C1GALT1: variants seen among roughly 807,000 people sequenced by gnomAD.
The protein encoded by C1GALT1 is glycoprotein-N-acetylgalactosamine 3-beta-galactosyltransferase 1.
C1GALT1 carries 11 observed loss-of-function variants against 31.0 expected under a neutral mutation model. The ratio of observed to expected loss-of-function variants is 0.36; its 90% confidence interval spans 0.22 to 0.59. C1GALT1 has a LOEUF of 0.59. Ranked by LOEUF, C1GALT1 falls within the 20% of genes least tolerant of loss-of-function variation. The probability of loss-of-function intolerance (pLI) is 0.79; values close to 1 mark genes in which losing one functional copy is unlikely to be tolerated. For synonymous variants in C1GALT1, 175 were observed against 143.6 expected, an observed-to-expected ratio of 1.22 and a Z score of -1.56; for missense variants, 424 against 425.2, an observed-to-expected ratio of 1.00 and a Z score of 0.03.
intron 1 of C1GALT1, among the ~76,000 whole-genome samples, chr7:7,191,960 T>C (rs900211891): frequency 3.3e-5 from 5 of 152,060 alleles, no homozygotes; most frequent in African/African-American, 1.2e-4. Context: ...TGCACAAATT[T>C]AAAAATTTTT....
chr7:7,209,226 A>G (rs936492532), intron 1 of C1GALT1, among the ~76,000 whole-genome samples: 2 of 152,178 alleles, frequency 1.3e-5, no homozygotes, highest in African/African-American at 2.4e-5. Context: ...TTGAAACGTG[A>G]CCTTCCATTA....
chr7:7,172,959 C>T (rs531025590), intron 2 of C1GALT1, among the ~76,000 whole-genome samples: 1 of 152,208 alleles, frequency 6.6e-6, no homozygotes, highest in Admixed American at 6.5e-5. Flanking sequence ...TATGCTCCAC[C>T]TATTCATCAT....
intron 1 of C1GALT1, among the ~76,000 whole-genome samples, chr7:7,225,150 G>A (rs948910335): frequency 5.3e-5 from 8 of 152,044 alleles, no homozygotes; most frequent in African/African-American, 7.2e-5. Flanking sequence ...CTTGCTTTGG[G>A]TTTATTGTGC....
chr7:7,212,881 A>G (rs1350431086), intron 1 of C1GALT1, among the ~76,000 whole-genome samples: 2 of 152,212 alleles, frequency 1.3e-5, no homozygotes, highest in Admixed American at 1.3e-4. Flanking sequence ...GGGGAATGTC[A>G]CGATGGCTTG....
chr7:7,219,146 G>A (rs746789465), intron 1 of C1GALT1, among the ~76,000 whole-genome samples: 27 of 152,156 alleles, frequency 1.8e-4, no homozygotes, highest in Non-Finnish European at 3.2e-4. Flanking sequence ...CATGGAAATA[G>A]TTATTTTTCA....
At chr7:7,205,140 A>G (rs77277930) in intron 1 of C1GALT1, among the ~76,000 whole-genome samples, 5,924 of 151,072 alleles carry the variant, frequency 0.039, 263 homozygotes, top group African/African-American at 0.11. Flanking sequence ...TCATAGAACT[A>G]TTTCTCCTTT....
intron 1 of C1GALT1, among the ~76,000 whole-genome samples, chr7:7,194,598 A>G (rs560738344): frequency 3.9e-5 from 6 of 152,080 alleles, no homozygotes; most frequent in Admixed American, 1.3e-4. Flanking sequence ...GGATTTTTGC[A>G]TCTATGTTCA....
chr7:7,233,686 A>G (rs1325751682), intron 1 of C1GALT1, among the ~76,000 whole-genome samples: 1 of 152,234 alleles, frequency 6.6e-6, no homozygotes. Context: ...TATATAAATG[A>G]ATGGGCATGG....
At chr7:7,228,183 TTAA>T in intron 1 of C1GALT1, among the ~76,000 whole-genome samples, 1 of 142,318 alleles carries the variant, frequency 7.0e-6, no homozygotes. Context: ...TCACAAAATA[TTAA>T]TAATTGTTGT....
chr7:7,238,541 T>C lies in C1GALT1; in HGVS notation c.507T>C (p.Asp169=). ...ATGCTGATTGGTTTTTGAAAGCAGA[T>C]GATGACACGTATGTCATACTAGACA... The part of the protein sequence containing the change: ...LEDADWFLKA[D]DDTYVILDNL... Residue 169 remains aspartate (D), a synonymous_variant, in exon 3 of 4, where the codon GAT becomes GAC. Transcript: ENST00000436587. This position sits in a 1 kb window ranked among gnomAD's most constrained non-coding sequence, Gnocchi z 5.2. 2 of 1,614,132 alleles carry C rather than the reference T, an allele frequency of 1.2e-6. No individual in the cohort carries two copies. The highest frequency in any genetic ancestry group is 1.7e-6 in the Non-Finnish European group (2 of 1,179,970).
In C1GALT1 at chr7:7,238,141, A is replaced by C; in HGVS notation, c.221-114A>C. 1 of 1,026,740 alleles carries C rather than the reference A, an allele frequency of 9.7e-7. No homozygotes were observed. Among genetic ancestry groups the C allele is most frequent in the Non-Finnish European group, 1.4e-6 (1 of 717,864 alleles). The allele number at this position is 1,026,740 out of a possible 1,614,324, so 63.6% of individuals were successfully genotyped here. A position where few individuals can be genotyped will look rare whatever the true frequency, so the allele number is the denominator to read the frequency against. ...TTGCTTTCCTTTGGCTAAATCACTA[A>C]TAGAGGGATAAATAGGGACTTTGAA... On this transcript the variant is annotated intron_variant, in intron 2 of 3. Coordinates refer to ENST00000436587, the MANE Select transcript of C1GALT1 (RefSeq NM_020156.5). This position sits in a 1 kb window ranked among gnomAD's most constrained non-coding sequence, Gnocchi z 5.2.
At position 7,225,958 on chromosome 7, in the gene C1GALT1, T is replaced by G. The variant is rs375344677; in HGVS notation, c.-17-8345T>G. ...GGTGTGTGGAAAAACTAGTGAACTT[T>G]AAATGAAATGGGGGTGAAAATTCCA... On this transcript the variant is annotated intron_variant, in intron 1 of 3. Transcript: ENST00000436587. Among the ~76,000 whole-genome samples, 11 of 152,294 alleles carry G rather than the reference T, an allele frequency of 7.2e-5. No homozygotes were observed. The South Asian group carries it at 1.2e-3, about 17-fold the overall frequency.
intron 1 of C1GALT1, among the ~76,000 whole-genome samples, chr7:7,185,811 G>A (rs4720725): frequency 0.27 from 41,161 of 152,030 alleles, 6,040 homozygotes; most frequent in East Asian, 0.42. Flanking sequence ...AGTTTAACCT[G>A]TAACAGTTGC....
At chr7:7,210,699 A>C (rs187107787) in intron 1 of C1GALT1, 1 of 152,228 alleles carries the variant, frequency 6.6e-6, no homozygotes, top group East Asian at 1.9e-4. Context: ...GTCTTTTAAT[A>C]TGCAAATACA....
intron 2 of C1GALT1, among the ~76,000 whole-genome samples, chr7:7,172,647 G>A (rs1008397690): frequency 7.2e-5 from 11 of 152,028 alleles, no homozygotes; most frequent in African/African-American, 1.7e-4. Flanking sequence ...AAAATTAACA[G>A]ACTTTATTTT....
At chr7:7,232,346 T>C (rs1783118118) in intron 1 of C1GALT1, among the ~76,000 whole-genome samples, 2 of 152,356 alleles carry the variant, frequency 1.3e-5, no homozygotes, top group African/African-American at 2.4e-5. Context: ...GTTTGTACTT[T>C]TGCTTTCACA....
chr7:7,235,124 C>G (rs933399310), intron 2 of C1GALT1: 1 of 152,250 alleles, frequency 6.6e-6, no homozygotes. Context: ...TGTCCTTTAG[C>G]TGTTTGTCTG....
intron 1 of C1GALT1, among the ~76,000 whole-genome samples, chr7:7,188,047 G>T (rs1044819559): frequency 6.6e-6 from 1 of 152,166 alleles, no homozygotes; most frequent in Non-Finnish European, 1.5e-5. Flanking sequence ...TTGAGTCAGA[G>T]AGGTTAGATA....
At chr7:7,223,895 TGTTA>T (rs1260091644) in intron 1 of C1GALT1, among the ~76,000 whole-genome samples, 3 of 152,200 alleles carry the variant, frequency 2.0e-5, no homozygotes, top group Non-Finnish European at 4.4e-5. Context: ...TACCATTAGC[TGTTA>T]GTTTTTGATA....
Sources: gnomAD v4.1 joint callset for allele counts (sites outside exome capture counted in the v4.1 genomes callset) on GRCh38, gnomAD v4.1.1 for gene constraint, Gnocchi (gnomAD v3.1) non-coding constraint, MANE v1.5 for transcripts, NCBI Gene and HGNC (gene_info 2026-07-23, HGNC 2026-07-21) for gene names.